Variants in GPHN observed in about 807,000 individuals in gnomAD.
The protein encoded by GPHN is gephyrin.
In GPHN, 17 loss-of-function variants were observed where a neutral mutation model predicts 95.5. The ratio of observed to expected loss-of-function variants is 0.18; its 90% CI spans 0.12 to 0.27. The LOEUF is 0.27. Among genes scored for constraint, GPHN ranks in the 10% least tolerant of loss-of-function variants. The probability of loss-of-function intolerance (pLI) is 1.00; values close to 1 mark genes in which losing one functional copy is unlikely to be tolerated. For missense variants in GPHN, 660 were observed against 978.1 expected, an observed-to-expected ratio of 0.67 and a Z score of 4.34; for synonymous variants, 320 against 322.5, an observed-to-expected ratio of 0.99 and a Z score of 0.08.
chr14:67,383,132 A>G, the GPHN span, among the ~76,000 whole-genome samples: 7 of 152,194 alleles, frequency 4.6e-5, no homozygotes, highest in Non-Finnish European at 1.0e-4. Flanking sequence ...TACTATTCTC[A>G]TAAGTTTCAC....
intron 5 of GPHN, among the ~76,000 whole-genome samples, chr14:66,894,492 A>G (rs576288598): frequency 6.6e-6 from 1 of 152,362 alleles, no homozygotes; most frequent in South Asian, 2.1e-4. Flanking sequence ...CAATGGCAAC[A>G]TAAGCAAAAT....
At chr14:67,614,221 G>A in the GPHN span, among the ~76,000 whole-genome samples, 1 of 152,182 alleles carries the variant, frequency 6.6e-6, no homozygotes, top group African/African-American at 2.4e-5. Context: ...ATAGGCATGA[G>A]CCACTGCACC....
chr14:67,080,193 C>G (rs1011310899), intron 11 of GPHN, among the ~76,000 whole-genome samples: 1 of 151,962 alleles, frequency 6.6e-6, no homozygotes. Flanking sequence ...TTTATATTCT[C>G]ATTGGCTATT....
At chr14:67,158,889 A>C (rs1334017328) in intron 18 of GPHN, among the ~76,000 whole-genome samples, 1 of 152,202 alleles carries the variant, frequency 6.6e-6, no homozygotes, top group Non-Finnish European at 1.5e-5. Flanking sequence ...AAATCTAAGT[A>C]ATCTGTGGGC....
intron 1 of GPHN, among the ~76,000 whole-genome samples, chr14:66,562,165 T>G: frequency 6.6e-6 from 1 of 152,226 alleles, no homozygotes; most frequent in South Asian, 2.1e-4. Context: ...CCTTTTTTCC[T>G]CCCTCTACTC....
intron 1 of GPHN, among the ~76,000 whole-genome samples, chr14:66,545,704 C>T (rs2059553242): frequency 7.1e-6 from 1 of 141,716 alleles, no homozygotes; most frequent in Non-Finnish European, 1.5e-5. Context: ...CGCCCCTCAC[C>T]TCCCGGACGG....
At chr14:66,972,267 CAAAAAAA>C (rs892888405) in intron 9 of GPHN, among the ~76,000 whole-genome samples, 4 of 46,306 alleles carry the variant, frequency 8.6e-5, no homozygotes, top group Admixed American at 2.3e-4. Context: ...GAGTCTGTCT[CAAAAAAA>C]AAAAAAAAAA....
At chr14:67,430,112 A>G in the GPHN span, among the ~76,000 whole-genome samples, 1 of 152,188 alleles carries the variant, frequency 6.6e-6, no homozygotes, top group African/African-American at 2.4e-5. Flanking sequence ...GAACCTGGCT[A>G]TGCCTTGGTT....
the GPHN span, among the ~76,000 whole-genome samples, chr14:67,294,146 A>G: frequency 6.6e-6 from 1 of 152,196 alleles, no homozygotes; most frequent in Non-Finnish European, 1.5e-5. Flanking sequence ...TGAATATAGG[A>G]TAGTTCACTA....
At chr14:66,838,651 G>A (rs966071121) in intron 4 of GPHN, among the ~76,000 whole-genome samples, 4 of 152,072 alleles carry the variant, frequency 2.6e-5, no homozygotes, top group African/African-American at 9.7e-5. Context: ...TTAGTAAAAT[G>A]CTAAAAGTAT....
the GPHN span, among the ~76,000 whole-genome samples, chr14:67,696,243 C>A: frequency 3.9e-5 from 6 of 152,224 alleles, no homozygotes; most frequent in South Asian, 1.2e-3. Context: ...CCTCTATCTC[C>A]CCAGACCCAA....
chr14:67,377,546 A>G, the GPHN span, among the ~76,000 whole-genome samples: 7 of 152,250 alleles, frequency 4.6e-5, no homozygotes, highest in African/African-American at 7.2e-5. Flanking sequence ...ACAAACTTAC[A>G]TATCTCTGTC....
chr14:67,602,286 AACTC>A, the GPHN span, among the ~76,000 whole-genome samples: 1 of 152,048 alleles, frequency 6.6e-6, no homozygotes, highest in Admixed American at 6.6e-5. Context: ...CTCGTGAGAG[AACTC>A]ACTCAGCATC....
At chr14:67,029,808 C>G (rs2074102984) in intron 10 of GPHN, among the ~76,000 whole-genome samples, 1 of 152,054 alleles carries the variant, frequency 6.6e-6, no homozygotes, top group South Asian at 2.1e-4. Context: ...AAAATGGATG[C>G]ATTTAGGACT....
At chr14:67,508,753 C>CAAAAAA in the GPHN span, among the ~76,000 whole-genome samples, 533 of 46,652 alleles carry the variant, frequency 0.011, 52 homozygotes, top group Non-Finnish European at 0.02. Context: ...AACCTTGTCT[C>CAAAAAA]AAAAAAAAAA....
intron 10 of GPHN, among the ~76,000 whole-genome samples, chr14:67,052,352 A>G (rs865854013): frequency 4.6e-5 from 7 of 151,468 alleles, no homozygotes; most frequent in Admixed American, 6.6e-5. Flanking sequence ...AAAAAAAAAA[A>G]GATCAAAAAA....
intron 1 of GPHN, among the ~76,000 whole-genome samples, chr14:66,653,396 T>G (rs2065145705): frequency 1.3e-5 from 2 of 152,182 alleles, no homozygotes; most frequent in South Asian, 2.1e-4. Context: ...AGTTGTAGAA[T>G]TACATGTGGT....
At chr14:67,462,299 A>G in the GPHN span, among the ~76,000 whole-genome samples, 54 of 152,318 alleles carry the variant, frequency 3.5e-4, no homozygotes, top group Middle Eastern at 3.4e-3. Flanking sequence ...TCACTGCTGT[A>G]TAGAGAATGG....
chr14:66,923,471 G>T (rs2066323640), intron 7 of GPHN, among the ~76,000 whole-genome samples: 1 of 151,964 alleles, frequency 6.6e-6, no homozygotes, highest in Non-Finnish European at 1.5e-5. Flanking sequence ...GATAGGAAAT[G>T]GATATATTTG....
Sources: allele counts gnomAD v4.1 joint callset (sites outside exome capture counted in the v4.1 genomes callset), GRCh38; gene constraint gnomAD v4.1.1; transcripts MANE v1.5; gene names NCBI Gene and HGNC (gene_info 2026-07-23, HGNC 2026-07-21).